Variants in APBA3 observed in about 807,000 individuals in gnomAD.
APBA3 encodes the protein amyloid-beta A4 precursor protein-binding family A member 3.
APBA3 carries 45 observed loss-of-function variants against 55.9 expected under a neutral mutation model. The observed-to-expected ratio is 0.80, with a 90% confidence interval of 0.63 to 1.03. The LOEUF (loss-of-function observed/expected upper bound fraction) is 1.03. Ranked by LOEUF, APBA3 falls within the 50% of genes least tolerant of loss-of-function variation. The probability of loss-of-function intolerance (pLI) is 0.00; values close to 1 mark genes in which losing one functional copy is unlikely to be tolerated. For missense variants in APBA3, 865 were observed against 820.3 expected, an observed-to-expected ratio of 1.05 and a Z score of -0.67; for synonymous variants, 370 against 353.3, an observed-to-expected ratio of 1.05 and a Z score of -0.53.
intron 3 of APBA3, chr19:3,754,956 G>C (rs113123471): frequency 1.3e-5 from 2 of 152,326 alleles, no homozygotes; most frequent in South Asian, 4.1e-4. Context: ...CGTGAGCCAC[G>C]ACGCTCCACC....
intron 3 of APBA3, among the ~76,000 whole-genome samples, chr19:3,758,226 G>A (rs752592610): frequency 9.9e-5 from 15 of 151,672 alleles, no homozygotes; most frequent in South Asian, 2.1e-4. Context: ...GAGCCACCGC[G>A]CCCAGCTTAT....
At chr19:3,757,113 TTTTTTTTTTTC>T (rs917493026) in intron 3 of APBA3, among the ~76,000 whole-genome samples, 8 of 139,054 alleles carry the variant, frequency 5.8e-5, no homozygotes, top group African/African-American at 2.5e-4. Context: ...CACAGAACTG[TTTTTTTTTTTC>T]TTTTTTTTGA....
rs1481938368 is a variant in APBA3 at position 3,753,878 on chromosome 19, T to C, written c.898A>G (p.Ile300Val). The C allele has an allele frequency of 1.3e-6, 2 of 1,561,684 alleles. No individual in the cohort carries two copies. The highest frequency in any genetic ancestry group is 1.7e-6 in the Non-Finnish European group (2 of 1,153,078). Residue 300 changes from isoleucine to valine, a missense_variant, in exon 6 of 11, where the codon ATC becomes GTC. Coordinates refer to ENST00000316757, the MANE Select transcript of APBA3 (RefSeq NM_004886.4). ...GCCATCAGCACCAGCACGCAGCCGA[T>C]GTCGGCTGTGTAGGAGATGGTATGC... The part of the protein sequence containing the change: ...ALHTISYTAD[I>V]GCVLVLMARR...
intron 8 of APBA3, chr19:3,751,808 C>T: frequency 1.9e-6 from 1 of 524,722 alleles, no homozygotes; most frequent in Non-Finnish European, 3.3e-6. Context: ...AGGCAGGCTG[C>T]AAACATCTGT....
intron 3 of APBA3, 144 bp downstream of exon 3, chr19:3,759,417 G>A (rs2037116347): frequency 1.6e-5 from 13 of 790,676 alleles, no homozygotes; most frequent in Non-Finnish European, 1.4e-5. Flanking sequence ...TCCTCTCCCT[G>A]GCCAGCCGGA....
intron 3 of APBA3, chr19:3,755,242 T>C (rs1040455991): frequency 1.3e-5 from 2 of 152,196 alleles, no homozygotes; most frequent in African/African-American, 2.4e-5. Context: ...ACAGGTCTCA[T>C]AGCAATTCTG....
At chr19:3,755,561 G>GC (rs544788519) in intron 3 of APBA3, 1 of 128,434 alleles carries the variant, frequency 7.8e-6, no homozygotes, top group East Asian at 2.2e-4. Flanking sequence ...TAGGAGGCCG[G>GC]GGGGGGGGGG....
At chr19:3,754,609 C>T (rs1471526973) in intron 3 of APBA3, 2 of 449,212 alleles carry the variant, frequency 4.5e-6, no homozygotes, top group Middle Eastern at 5.8e-4. Flanking sequence ...GATCTAGCAC[C>T]CACAGATACC....
chr19:3,760,221 G>A lies in APBA3; in HGVS notation c.44C>T (p.Ala15Val), dbSNP rs1426288723. The change falls in exon 2 of 11, where the codon GCC becomes GTC. Residue 15 changes from alanine to valine, a missense_variant. Ala to Val is a moderately conservative substitution (Grantham distance 64). Coordinates refer to ENST00000316757, the MANE Select transcript of APBA3 (RefSeq NM_004886.4). ...GTCCCTGGGCCCCTCCAAGTCCATG[G>A]CTGGAGGCCCCGAAGGGGATCGGGA... ...TISRSPSGPPAMDLEGPRDIL... is the reference protein window; with the variant it reads ...TISRSPSGPPVMDLEGPRDIL... 6.2e-7 allele frequency: 1 copy of A among 1,610,480 alleles called. No homozygotes were observed. Among genetic ancestry groups the A allele is most frequent in the Non-Finnish European group, 8.5e-7 (1 of 1,179,724 alleles).
intron 3 of APBA3, among the ~76,000 whole-genome samples, chr19:3,757,597 T>C (rs758665791): frequency 6.6e-6 from 1 of 152,084 alleles, no homozygotes; most frequent in Non-Finnish European, 1.5e-5. Context: ...CTGGGCACGG[T>C]GGCGGACGCT....
chr19:3,752,612 G>C lies in APBA3; in HGVS notation c.1291C>G (p.Pro431Ala). 1 of 1,586,060 alleles carries C rather than the reference G, an allele frequency of 6.3e-7. No individual in the cohort carries two copies. The change falls in exon 8 of 11, where the codon CCT (proline) becomes GCT (alanine). Residue 431 changes from proline to alanine, a missense_variant. Coordinates refer to ENST00000316757, the MANE Select transcript of APBA3 (RefSeq NM_004886.4). ...CTGAGGGCCCCCGAGCGCTCAGCAG[G>C]CCCCCCGTGCAGCAGGTTGGCGATG... ...AVIANLLHGG[P>A]AERSGALSIG... is the part of the protein sequence containing the mutation.
chr19:3,753,024 C>T (rs1239335034), intron 6 of APBA3, 34 bp from the exon 7 acceptor site: 1 of 1,600,840 alleles, frequency 6.2e-7, no homozygotes, highest in Non-Finnish European at 8.5e-7. Context: ...CTGGGGTGTC[C>T]CACCCACCTC....
In APBA3 at chr19:3,761,610, C is replaced by G. The variant is rs1331047692; in HGVS notation, c.-112G>C. The G allele has an allele frequency of 6.6e-6, 1 of 152,446 alleles. No individual in the cohort carries two copies. Among genetic ancestry groups the G allele is most frequent in the East Asian group, 1.9e-4 (1 of 5,206 alleles). The allele number at this position is 152,446 out of a possible 1,614,324, so 9.4% of individuals were successfully genotyped here. A position where few individuals can be genotyped will look rare whatever the true frequency, so the allele number is the denominator to read the frequency against. ...CCCCACGGACGGCCCCGACGTAGCC[C>G]GGGCCGCGTCCCCAGAAGGCGCAGC... On this transcript the variant is annotated 5_prime_UTR_variant, in exon 1 of 11. Transcript: ENST00000316757.
Position 3,758,607 on chromosome 19 carries a change from T to C in APBA3, c.616+954A>G, listed in dbSNP as rs370264002. The stretch of plus-strand genomic sequence containing the variant: ...AGAAATAGTATTCTTTGGCCAGGCG[T>C]GGTGGCTCACGCTTGTAATCCTAGC... On this transcript the variant is annotated intron_variant, in intron 3 of 10. Coordinates refer to ENST00000316757, the MANE Select transcript of APBA3 (RefSeq NM_004886.4). Among the ~76,000 whole-genome samples the C allele has an allele frequency of 2.9e-4, 44 of 152,230 alleles. 2 individuals are homozygous for C. In the East Asian group the frequency reaches 5.8e-3, roughly 20 times the overall value.
In APBA3 at chr19:3,753,805, C is replaced by T. The variant is rs905758361; in HGVS notation, c.971G>A (p.Arg324His). 20 of 1,568,480 alleles carry T rather than the reference C, an allele frequency of 1.3e-5. No individual in the cohort carries two copies. Among genetic ancestry groups the T allele is most frequent in the African/African-American group, 6.7e-5 (5 of 74,160 alleles). Reference sequence around the variant, plus strand: ...TACGTGGCAGAGCATCTTGTAGAGGCGGCGGCCGTGGTCCTGGGGTGCCGG... The same window carrying T: ...TACGTGGCAGAGCATCTTGTAGAGGTGGCGGCCGTGGTCCTGGGGTGCCGG... ...RRPAPQDHGR[R>H]LYKMLCHVFY... Residue 324 changes from arginine to histidine, a missense_variant, in exon 6 of 11, where the codon CGC (arginine) becomes CAC (histidine). Transcript: ENST00000316757.
intron 3 of APBA3, among the ~76,000 whole-genome samples, chr19:3,758,430 A>T (rs1375329049): frequency 1.3e-5 from 2 of 150,776 alleles, no homozygotes; most frequent in Non-Finnish European, 1.5e-5. Flanking sequence ...GGCTAACTTT[A>T]AACATTTTTT....
In APBA3 at chr19:3,751,054, G is replaced by T. The variant is rs981213654; in HGVS notation, c.1700C>A (p.Thr567Lys). ...TMPAATYRLLTGQEQPVYL is the reference protein window; with the variant it reads ...TMPAATYRLLKGQEQPVYL ...CAGGTACACGGGCTGCTCCTGGCCT[G>T]TAAGGAGGCGATATGTGGCAGCTGG... The change falls in exon 11 of 11, where the codon ACA (threonine) becomes AAA (lysine). Residue 567 changes from threonine to lysine, a missense_variant. Coordinates refer to ENST00000316757, the MANE Select transcript of APBA3 (RefSeq NM_004886.4). The T allele has an allele frequency of 3.8e-6, 6 of 1,565,316 alleles. No individual in the cohort carries two copies. The African/African-American group carries it at 6.8e-5, about 18-fold the overall frequency.
intron 6 of APBA3, 42 bp from the exon 7 acceptor site, chr19:3,753,032 C>G (rs892650454): frequency 1.9e-6 from 3 of 1,597,934 alleles, no homozygotes; most frequent in Non-Finnish European, 2.6e-6. Context: ...TCCCACCCAC[C>G]TCCTCCAGGT....
intron 1 of APBA3, among the ~76,000 whole-genome samples, 175 bp downstream of exon 1, chr19:3,761,361 C>T (rs1399327154): frequency 1.3e-5 from 2 of 152,150 alleles, no homozygotes; most frequent in African/African-American, 2.4e-5. Flanking sequence ...TACCAGAGAC[C>T]CAAGACGCCA....
Sources: gnomAD v4.1 joint callset for allele counts (sites outside exome capture counted in the v4.1 genomes callset) on GRCh38, gnomAD v4.1.1 for gene constraint, MANE v1.5 for transcripts, NCBI Gene and HGNC (gene_info 2026-07-23, HGNC 2026-07-21) for gene names.